The following ATE1 variants were observed in gnomAD, a reference collection of about 807,000 sequenced individuals.
The protein encoded by ATE1 is arginyl-tRNA--protein transferase 1.
Under a neutral mutation model 70.5 loss-of-function variants are expected in ATE1, and 36 were observed. That is an observed-to-expected ratio of 0.51 (90% CI 0.39 to 0.67). The LOEUF (loss-of-function observed/expected upper bound fraction) is 0.67, where lower values mean the gene tolerates loss of function less well. Among genes scored for constraint, ATE1 ranks in the 30% least tolerant of loss-of-function variants. ATE1 has a pLI of 0.00. For synonymous variants in ATE1, 232 were observed against 219.3 expected, an observed-to-expected ratio of 1.06 and a Z score of -0.51; for missense variants, 593 against 629.5, an observed-to-expected ratio of 0.94 and a Z score of 0.62.
Position 121,790,301 on chromosome 10 carries a change from T to A in ATE1, c.1258-12A>T, listed in dbSNP as rs1014782979. The stretch of plus-strand genomic sequence containing the variant: ...GGTCTATACTGACCCTGAAGAAAAG[T>A]GAAGGAAAAAGGCACAGGCATTATT... On this transcript the variant is annotated splice_polypyrimidine_tract_variant and intron_variant, in intron 10 of 11. Coordinates refer to ENST00000224652, the MANE Select transcript of ATE1 (RefSeq NM_001001976.3). The A allele has an allele frequency of 1.9e-6, 3 of 1,609,846 alleles. No individual in the cohort carries two copies. Among genetic ancestry groups the A allele is most frequent in the Admixed American group, 1.7e-5 (1 of 59,060 alleles).
At chr10:121,904,702 C>CAA (rs11362227) in intron 5 of ATE1, among the ~76,000 whole-genome samples, 37 of 133,572 alleles carry the variant, frequency 2.8e-4, no homozygotes, top group South Asian at 1.7e-3. Flanking sequence ...TCAAAGTCAG[C>CAA]AAAAAAAAAA....
chr10:121,774,135 G>C (rs951965353), intron 11 of ATE1, among the ~76,000 whole-genome samples: 6 of 152,116 alleles, frequency 3.9e-5, no homozygotes, highest in African/African-American at 7.2e-5. Flanking sequence ...CGTTGCAAGA[G>C]AGCCTTTGGT....
chr10:121,789,296 CTTTTT>C (rs3036893), intron 11 of ATE1, among the ~76,000 whole-genome samples: 1 of 92,684 alleles, frequency 1.1e-5, no homozygotes, highest in Admixed American at 1.5e-4. Context: ...CAGGGCTATG[CTTTTT>C]TTTTTTTTTT....
chr10:121,842,476 A>G (rs376138539), intron 8 of ATE1, among the ~76,000 whole-genome samples: 4 of 152,128 alleles, frequency 2.6e-5, no homozygotes, highest in Admixed American at 2.0e-4. Context: ...GAGAATAAAA[A>G]AAAATGAGAA....
chr10:121,793,917 T>C (rs1336277700), intron 10 of ATE1, among the ~76,000 whole-genome samples: 1 of 152,220 alleles, frequency 6.6e-6, no homozygotes, highest in African/African-American at 2.4e-5. Flanking sequence ...CATACTTTCA[T>C]ATTTTTTCTA....
At chr10:121,751,628 T>C (rs768910239) in intron 11 of ATE1, among the ~76,000 whole-genome samples, 1 of 152,218 alleles carries the variant, frequency 6.6e-6, no homozygotes, top group Non-Finnish European at 1.5e-5. Flanking sequence ...AATGTCTGTT[T>C]AAATCATTTG....
At chr10:121,897,072 T>C (rs1241805538) in intron 7 of ATE1, among the ~76,000 whole-genome samples, 12 of 152,138 alleles carry the variant, frequency 7.9e-5, no homozygotes, top group Admixed American at 2.6e-4. Context: ...AAAACCTCTC[T>C]AACCTCCAGT....
intron 1 of ATE1, among the ~76,000 whole-genome samples, chr10:121,925,814 G>A (rs1314093837): frequency 4.0e-5 from 6 of 151,836 alleles, no homozygotes; most frequent in East Asian, 3.9e-4. Flanking sequence ...CCAGGAATTT[G>A]AGATTTGAGG....
intron 8 of ATE1, among the ~76,000 whole-genome samples, chr10:121,855,729 AG>A (rs561974494): frequency 3.5e-4 from 54 of 152,340 alleles, no homozygotes; most frequent in African/African-American, 1.3e-3. Context: ...CCAAATTCAC[AG>A]AAACTAAAGA....
chr10:121,750,319 G>A (rs1206218475), intron 11 of ATE1, among the ~76,000 whole-genome samples: 2 of 152,150 alleles, frequency 1.3e-5, no homozygotes, highest in Non-Finnish European at 2.9e-5. Flanking sequence ...AAAACTCTCG[G>A]CTTACTGAGA....
At chr10:121,863,486 T>A (rs1170009238) in intron 8 of ATE1, among the ~76,000 whole-genome samples, 1 of 151,930 alleles carries the variant, frequency 6.6e-6, no homozygotes, top group Admixed American at 6.6e-5. Flanking sequence ...CTCCTGACCT[T>A]GTGATCCACC....
At chr10:121,883,546 A>G (rs1004233186) in intron 7 of ATE1, among the ~76,000 whole-genome samples, 1 of 152,226 alleles carries the variant, frequency 6.6e-6, no homozygotes, top group African/African-American at 2.4e-5. Context: ...GAGCAGAAGA[A>G]TATTCCTAGG....
At chr10:121,776,024 T>A (rs1390174485) in intron 11 of ATE1, among the ~76,000 whole-genome samples, 4 of 152,196 alleles carry the variant, frequency 2.6e-5, no homozygotes, top group Non-Finnish European at 5.9e-5. Flanking sequence ...GTAATGTGCA[T>A]ATATTAGTTG....
chr10:121,781,158 T>C (rs1227161624), intron 11 of ATE1, among the ~76,000 whole-genome samples: 1 of 131,928 alleles, frequency 7.6e-6, no homozygotes, highest in Non-Finnish European at 1.6e-5. Flanking sequence ...TGAGGCAACA[T>C]GCTACCTCAG....
intron 7 of ATE1, among the ~76,000 whole-genome samples, 166 bp from the exon 8 acceptor site, chr10:121,870,204 A>G (rs1949802818): frequency 6.6e-6 from 1 of 152,240 alleles, no homozygotes; most frequent in African/African-American, 2.4e-5. Flanking sequence ...CAGAGAATAG[A>G]AAGGTTCAGC....
At chr10:121,769,077 G>A (rs978571502) in intron 11 of ATE1, among the ~76,000 whole-genome samples, 2 of 152,070 alleles carry the variant, frequency 1.3e-5, no homozygotes, top group Non-Finnish European at 2.9e-5. Flanking sequence ...AGGCAAAAGA[G>A]CTACAATAAC....
intron 11 of ATE1, among the ~76,000 whole-genome samples, chr10:121,764,056 T>C (rs1396458963): frequency 6.6e-6 from 1 of 152,114 alleles, no homozygotes; most frequent in Non-Finnish European, 1.5e-5. Context: ...ACAATGGACC[T>C]TAGTTAACAA....
At chr10:121,754,865 T>C (rs1297738655) in intron 11 of ATE1, among the ~76,000 whole-genome samples, 1 of 152,244 alleles carries the variant, frequency 6.6e-6, no homozygotes, top group African/African-American at 2.4e-5. Context: ...ATTAACACTG[T>C]ATACCTCCTG....
chr10:121,767,515 A>G (rs546520360), intron 11 of ATE1, among the ~76,000 whole-genome samples: 1 of 151,816 alleles, frequency 6.6e-6, no homozygotes. Flanking sequence ...AAAGAACTAC[A>G]CAAGTTCAGT....
Sources: gnomAD v4.1 joint callset for allele counts (sites outside exome capture counted in the v4.1 genomes callset) on GRCh38, gnomAD v4.1.1 for gene constraint, MANE v1.5 for transcripts, NCBI Gene and HGNC (gene_info 2026-07-23, HGNC 2026-07-21) for gene names.